The following GRIN2B variants were observed in gnomAD, a reference collection of about 807,000 sequenced individuals.
GRIN2B encodes the protein glutamate ionotropic receptor NMDA type subunit 2B.
Under a neutral mutation model 114.5 loss-of-function variants are expected in GRIN2B, and 5 were observed. The observed-to-expected ratio is 0.04, with a 90% CI of 0.02 to 0.09. GRIN2B has a LOEUF of 0.09. Among genes scored for constraint, GRIN2B ranks in the 10% least tolerant of loss-of-function variants. GRIN2B has a pLI of 1.00. For synonymous variants in GRIN2B, 787 were observed against 745.1 expected, an observed-to-expected ratio of 1.06 and a Z score of -0.92; for missense variants, 1,108 against 1,943.5, an observed-to-expected ratio of 0.57 and a Z score of 8.08.
rs868077955 is a variant in GRIN2B at position 13,808,756 on chromosome 12, T to A, written c.412-54841A>T. On this transcript the variant is annotated intron_variant, in intron 3 of 13. Coordinates refer to ENST00000609686, the MANE Select transcript of GRIN2B (RefSeq NM_000834.5). The stretch of plus-strand genomic sequence containing the variant: ...CTTAAAGTATAATAAAAAAAAAATA[T>A]ATATATATATATATACATATAAAAT... Among the ~76,000 whole-genome samples the A allele has an allele frequency of 4.0e-3, 480 of 119,562 alleles. 9 individuals carry two copies. Among genetic ancestry groups the A allele is most frequent in the Non-Finnish European group, 6.6e-3 (334 of 50,256 alleles). The allele number at this position is 119,562 out of a possible 152,430, so 78.4% of individuals were successfully genotyped here.
intron 10 of GRIN2B, among the ~76,000 whole-genome samples, chr12:13,580,300 A>G (rs3026168): frequency 0.26 from 39,947 of 152,006 alleles, 5,516 homozygotes; most frequent in African/African-American, 0.33. Flanking sequence ...AAATGGCTCT[A>G]CTCATTCAGT....
intron 3 of GRIN2B, among the ~76,000 whole-genome samples, chr12:13,817,569 C>T (rs975148231): frequency 1.8e-4 from 27 of 152,114 alleles, no homozygotes; most frequent in African/African-American, 6.3e-4. Context: ...AAGCATTATA[C>T]CTGAGAAGAA....
At position 13,615,066 on chromosome 12, in the gene GRIN2B, TC is replaced by T; in HGVS notation, c.1654+47del. 1 of 1,537,114 alleles carries T rather than the reference TC, an allele frequency of 6.5e-7. No individual in the cohort carries two copies. Among genetic ancestry groups the T allele is most frequent in the Non-Finnish European group, 9.0e-7 (1 of 1,109,842 alleles). ...GTGCTCCTTTTTTCCTTATTTCACT[TC>T]CCCATCCATACGTCCATTTCCTTCC... On this transcript the variant is annotated intron_variant, in intron 8 of 13. Coordinates refer to ENST00000609686, the MANE Select transcript of GRIN2B (RefSeq NM_000834.5). The surrounding 1 kb of genome is among the most constrained non-coding windows in gnomAD (Gnocchi z 5.8).
At chr12:13,816,034 T>G (rs1234190850) in intron 3 of GRIN2B, among the ~76,000 whole-genome samples, 1 of 152,138 alleles carries the variant, frequency 6.6e-6, no homozygotes, top group Non-Finnish European at 1.5e-5. Context: ...GCAAGAGATA[T>G]ACTTGAGAGG....
chr12:13,842,801 C>T (rs761891281), intron 3 of GRIN2B, among the ~76,000 whole-genome samples: 12 of 151,730 alleles, frequency 7.9e-5, no homozygotes, highest in African/African-American at 1.7e-4. Context: ...AGAATTATAA[C>T]GAGATAATTC....
chr12:13,766,994 C>T (rs1863804744), intron 3 of GRIN2B, among the ~76,000 whole-genome samples: 2 of 152,176 alleles, frequency 1.3e-5, no homozygotes, highest in South Asian at 4.1e-4. Context: ...CGGTGGCTCA[C>T]GCCTGTAATC....
intron 2 of GRIN2B, among the ~76,000 whole-genome samples, chr12:13,927,798 A>T: frequency 6.6e-6 from 1 of 151,092 alleles, no homozygotes. Context: ...CTACAAAAAA[A>T]ATAAAAATTA....
chr12:13,805,189 T>G (rs1178815138), intron 3 of GRIN2B, among the ~76,000 whole-genome samples: 1 of 152,162 alleles, frequency 6.6e-6, no homozygotes, highest in Non-Finnish European at 1.5e-5. Context: ...CATCTCTATT[T>G]TACAATTAAG....
intron 10 of GRIN2B, among the ~76,000 whole-genome samples, chr12:13,574,258 A>G (rs1007531004): frequency 6.6e-6 from 1 of 152,222 alleles, no homozygotes; most frequent in African/African-American, 2.4e-5. Context: ...TTATTGGAAG[A>G]GACAGACACC....
At chr12:13,695,603 A>G (rs1051552702) in intron 4 of GRIN2B, among the ~76,000 whole-genome samples, 4 of 152,152 alleles carry the variant, frequency 2.6e-5, no homozygotes, top group African/African-American at 9.6e-5. Flanking sequence ...AAAGAGAATA[A>G]CGGAGTCAGG....
At chr12:13,759,871 C>A (rs911556932) in intron 3 of GRIN2B, among the ~76,000 whole-genome samples, 2 of 152,228 alleles carry the variant, frequency 1.3e-5, no homozygotes, top group Non-Finnish European at 2.9e-5. Context: ...GGGTCCCAGG[C>A]CCTCACTCTG....
chr12:13,733,367 TCTACCAAGTAGGC>T (rs376505111), intron 4 of GRIN2B, among the ~76,000 whole-genome samples: 10 of 151,858 alleles, frequency 6.6e-5, no homozygotes, highest in African/African-American at 2.2e-4. Context: ...AAGTAAAAGC[TCTACCAAGTAGGC>T]CTGAGAAGAG....
intron 2 of GRIN2B, among the ~76,000 whole-genome samples, chr12:13,895,896 T>C (rs889782591): frequency 9.2e-5 from 14 of 152,192 alleles, no homozygotes; most frequent in African/African-American, 3.1e-4. Context: ...GGTACTATGG[T>C]ATGTGGCAGA....
At position 13,615,364 on chromosome 12, in the gene GRIN2B, G is replaced by A. The variant is rs1805486; in HGVS notation, c.1501-97C>T. 72,841 of 1,410,354 alleles carry A rather than the reference G, an allele frequency of 0.052. 2,826 individuals are homozygous for A. Among genetic ancestry groups the A allele is most frequent in the East Asian group, 0.18 (8,109 of 43,904 alleles). The allele number at this position is 1,410,354 out of a possible 1,614,324, so 87.4% of individuals were successfully genotyped here. A position where few individuals can be genotyped will look rare whatever the true frequency, so the allele number is the denominator to read the frequency against. Reference sequence around the variant, plus strand: ...CTATCAGTGGTTTTCTTTGTATAGTGGGAACAATACATCTTATTTGCCATT... The same window carrying A: ...CTATCAGTGGTTTTCTTTGTATAGTAGGAACAATACATCTTATTTGCCATT... On this transcript the variant is annotated intron_variant, in intron 7 of 13. Transcript: ENST00000609686. This position sits in a 1 kb window ranked among gnomAD's most constrained non-coding sequence, Gnocchi z 5.8.
rs750595010 is a variant in GRIN2B, at chr12:13,540,193, A to T, written c.*22590T>A. The stretch of plus-strand genomic sequence containing the variant: ...TTAACAATCTTTTTGGAATCACAGT[A>T]AAGAAAGCACAAAGACCAAGAAAAA... On this transcript the variant is annotated 3_prime_UTR_variant, in exon 14 of 14. Transcript: ENST00000609686. The T allele has an allele frequency of 4.6e-5, 7 of 152,200 alleles. No homozygotes were observed. Among genetic ancestry groups the T allele is most frequent in the Non-Finnish European group, 1.0e-4 (7 of 68,032 alleles). The allele number at this position is 152,200 out of a possible 1,614,324, so 9.4% of individuals were successfully genotyped here.
intron 3 of GRIN2B, among the ~76,000 whole-genome samples, chr12:13,782,299 T>TCTCTCTCTCTCTCCCCGCTCC (rs1565535192): frequency 6.7e-6 from 1 of 150,142 alleles, no homozygotes; most frequent in Non-Finnish European, 1.5e-5. Flanking sequence ...ACACACACAC[T>TCTCTCTCTCTCTCCCCGCTCC]CTCTCTCTCT....
At chr12:13,826,250 C>A (rs530661512) in intron 3 of GRIN2B, among the ~76,000 whole-genome samples, 39 of 152,186 alleles carry the variant, frequency 2.6e-4, no homozygotes, top group African/African-American at 9.1e-4. Flanking sequence ...GTGGGCGGAT[C>A]ACTTGAGGTT....
chr12:13,851,111 C>A (rs1279834678), intron 3 of GRIN2B, among the ~76,000 whole-genome samples: 1 of 152,154 alleles, frequency 6.6e-6, no homozygotes, highest in Admixed American at 6.5e-5. Context: ...CCAACCAGGG[C>A]AAATCCAGGA....
chr12:13,763,199 G>A (rs906463130), intron 3 of GRIN2B, among the ~76,000 whole-genome samples: 2 of 151,958 alleles, frequency 1.3e-5, no homozygotes, highest in African/African-American at 4.8e-5. Flanking sequence ...TTGAACTTTA[G>A]TCACCAAGTA....
Sources: allele counts gnomAD v4.1 joint callset (sites outside exome capture counted in the v4.1 genomes callset), GRCh38; gene constraint gnomAD v4.1.1; non-coding constraint Gnocchi (gnomAD v3.1); transcripts MANE v1.5; gene names NCBI Gene and HGNC (gene_info 2026-07-23, HGNC 2026-07-21).